ARB2A: variants seen among roughly 807,000 people sequenced by gnomAD.
ARB2A encodes the protein cotranscriptional regulator ARB2A.
chr5:94,010,082 C>G, the ARB2A span, among the ~76,000 whole-genome samples: 1 of 151,896 alleles, frequency 6.6e-6, no homozygotes, highest in East Asian at 1.9e-4. Flanking sequence ...CTTTCTTCAG[C>G]TTACTTTGGA....
chr5:93,982,796 G>A, the ARB2A span, among the ~76,000 whole-genome samples: 3 of 152,222 alleles, frequency 2.0e-5, no homozygotes, highest in East Asian at 3.9e-4. Flanking sequence ...GGCTCATGCC[G>A]GTAATCCCAG....
the ARB2A span, among the ~76,000 whole-genome samples, chr5:93,917,028 T>C: frequency 6.6e-6 from 1 of 152,194 alleles, no homozygotes; most frequent in African/African-American, 2.4e-5. Flanking sequence ...TACAAACATA[T>C]TCTTTCCCTT....
chr5:93,712,635 C>G, the ARB2A span, among the ~76,000 whole-genome samples: 1 of 152,058 alleles, frequency 6.6e-6, no homozygotes, highest in Admixed American at 6.6e-5. Flanking sequence ...AATTTTAATT[C>G]TCAAACTAGC....
At chr5:93,829,030 G>C in the ARB2A span, among the ~76,000 whole-genome samples, 2 of 152,088 alleles carry the variant, frequency 1.3e-5, no homozygotes, top group African/African-American at 2.4e-5. Flanking sequence ...GCCCACCCCG[G>C]CCTCCCAAAG....
chr5:93,827,428 C>G, the ARB2A span, among the ~76,000 whole-genome samples: 1 of 152,128 alleles, frequency 6.6e-6, no homozygotes, highest in Non-Finnish European at 1.5e-5. Context: ...CCTTCGCCCA[C>G]TTTTTGATGG....
chr5:93,936,815 A>G, the ARB2A span, among the ~76,000 whole-genome samples: 13,594 of 152,160 alleles, frequency 0.089, 788 homozygotes, highest in Middle Eastern at 0.16. Context: ...CCCAGTATTG[A>G]CCATGTTTTA....
the ARB2A span, chr5:93,865,488 G>A: frequency 1.0e-6 from 1 of 985,148 alleles, no homozygotes; most frequent in Non-Finnish European, 1.2e-6. Flanking sequence ...GGTATACTAA[G>A]ACAATGTAAC....
chr5:93,703,587 A>G, the ARB2A span, among the ~76,000 whole-genome samples: 1 of 152,206 alleles, frequency 6.6e-6, no homozygotes, highest in Non-Finnish European at 1.5e-5. Flanking sequence ...GTTTTTGCGA[A>G]TCAATAAGAG....
the ARB2A span, among the ~76,000 whole-genome samples, chr5:93,836,133 T>C: frequency 2.0e-5 from 3 of 152,282 alleles, no homozygotes; most frequent in Middle Eastern, 3.4e-3. Context: ...GTTCGCGCCA[T>C]TCTCCTGCCT....
the ARB2A span, among the ~76,000 whole-genome samples, chr5:93,845,353 C>G: frequency 6.6e-6 from 1 of 152,138 alleles, no homozygotes; most frequent in Non-Finnish European, 1.5e-5. Context: ...ATCTTTGGAG[C>G]CATTATTCTC....
chr5:93,871,011 C>T, the ARB2A span, among the ~76,000 whole-genome samples: 3 of 152,128 alleles, frequency 2.0e-5, no homozygotes, highest in Admixed American at 1.3e-4. Context: ...TATGATTATT[C>T]GGATTTGGGT....
At chr5:94,105,240 C>G in the ARB2A span, among the ~76,000 whole-genome samples, 2 of 151,938 alleles carry the variant, frequency 1.3e-5, no homozygotes, top group African/African-American at 4.8e-5. Context: ...CTTATAAAAC[C>G]CCATGCTCTC....
At chr5:94,049,752 T>C in the ARB2A span, among the ~76,000 whole-genome samples, 16,416 of 152,138 alleles carry the variant, frequency 0.11, 1,007 homozygotes, top group Middle Eastern at 0.16. Flanking sequence ...ACCAGGCAGG[T>C]GCAAGTTGCA....
At chr5:93,949,173 C>T in the ARB2A span, among the ~76,000 whole-genome samples, 3 of 151,860 alleles carry the variant, frequency 2.0e-5, no homozygotes, top group African/African-American at 7.3e-5. Flanking sequence ...AATTTTTGTA[C>T]GTACCTAGGT....
chr5:93,902,544 T>C, the ARB2A span, among the ~76,000 whole-genome samples: 1 of 152,148 alleles, frequency 6.6e-6, no homozygotes, highest in African/African-American at 2.4e-5. Context: ...AAGAGGTTTG[T>C]TGACAGCCTA....
chr5:94,071,139 C>G, the ARB2A span, among the ~76,000 whole-genome samples: 3 of 152,000 alleles, frequency 2.0e-5, no homozygotes, highest in Non-Finnish European at 2.9e-5. Context: ...GGAAACAACA[C>G]AAATGTCTAA....
the ARB2A span, among the ~76,000 whole-genome samples, chr5:93,685,714 A>C: frequency 6.6e-6 from 1 of 152,178 alleles, no homozygotes; most frequent in Non-Finnish European, 1.5e-5. Flanking sequence ...TGTCAAGGTG[A>C]GAGGAAACAG....
the ARB2A span, among the ~76,000 whole-genome samples, chr5:93,908,757 T>C: frequency 6.6e-6 from 1 of 151,000 alleles, no homozygotes; most frequent in Admixed American, 6.6e-5. Context: ...ATTCCATTTT[T>C]AGGTAAAGAG....
chr5:93,730,922 G>T, the ARB2A span, among the ~76,000 whole-genome samples: 15 of 152,276 alleles, frequency 9.9e-5, no homozygotes, highest in Non-Finnish European at 2.1e-4. Context: ...TGGGAGAGAA[G>T]AAATTTTATT....
Sources: gnomAD v4.1 joint callset for allele counts (sites outside exome capture counted in the v4.1 genomes callset) on GRCh38, gnomAD v4.1.1 for gene constraint, MANE v1.5 for transcripts, NCBI Gene and HGNC (gene_info 2026-07-23, HGNC 2026-07-21) for gene names.